The following OPRM1 variants were observed in gnomAD, a reference collection of about 807,000 sequenced individuals.
The protein encoded by OPRM1 is opioid receptor mu 1.
In OPRM1, 27 loss-of-function variants were observed where a neutral mutation model predicts 31.8. That is an observed-to-expected ratio of 0.85 (90% confidence interval 0.63 to 1.17). The LOEUF (loss-of-function observed/expected upper bound fraction) is 1.17. Among genes scored for constraint, OPRM1 ranks in the 50% most tolerant of loss-of-function variants. The pLI is 0.00. For synonymous variants in OPRM1, 196 were observed against 189.9 expected, an observed-to-expected ratio of 1.03 and a Z score of -0.26; for missense variants, 536 against 511.1, an observed-to-expected ratio of 1.05 and a Z score of -0.47.
chr6:154,163,330 C>T (rs1217488324), intron 3 of OPRM1, among the ~76,000 whole-genome samples: 5 of 152,180 alleles, frequency 3.3e-5, no homozygotes, highest in Non-Finnish European at 5.9e-5. Flanking sequence ...GTTCCTTTTG[C>T]CTGAAATATT....
intron 3 of OPRM1, among the ~76,000 whole-genome samples, chr6:154,161,084 A>C (rs762386013): frequency 6.6e-6 from 1 of 151,646 alleles, no homozygotes; most frequent in Non-Finnish European, 1.5e-5. Flanking sequence ...ACTAGCTCAC[A>C]CCTCCGTGTT....
chr6:154,160,167 T>C (rs1583670228), intron 3 of OPRM1: 2 of 725,294 alleles, frequency 2.8e-6, no homozygotes, highest in African/African-American at 1.8e-5. Context: ...TGCACGTTAA[T>C]GTTCTAATTC....
chr6:154,204,671 C>A (rs539058450), intron 3 of OPRM1, among the ~76,000 whole-genome samples: 1 of 152,288 alleles, frequency 6.6e-6, no homozygotes, highest in South Asian at 2.1e-4. Flanking sequence ...TTGAAGAAGT[C>A]ATTTTACCTG....
intron 3 of OPRM1, among the ~76,000 whole-genome samples, chr6:154,198,627 T>TAC: frequency 1.4e-5 from 1 of 73,886 alleles, no homozygotes; most frequent in African/African-American, 5.0e-5. Context: ...TTTAAAATAT[T>TAC]ACATACACAC....
chr6:154,223,496 T>C (rs1291408749), intron 3 of OPRM1, among the ~76,000 whole-genome samples: 1 of 152,118 alleles, frequency 6.6e-6, no homozygotes, highest in African/African-American at 2.4e-5. Flanking sequence ...ATGGTCACCA[T>C]ATGGCAGGCT....
intron 3 of OPRM1, among the ~76,000 whole-genome samples, chr6:154,229,634 G>A (rs1779567791): frequency 6.6e-6 from 1 of 152,096 alleles, no homozygotes; most frequent in East Asian, 1.9e-4. Context: ...GGGATTACAG[G>A]CGTGAGCCAC....
intron 3 of OPRM1, among the ~76,000 whole-genome samples, chr6:154,217,935 G>A (rs1375186771): frequency 6.6e-6 from 1 of 152,170 alleles, no homozygotes; most frequent in African/African-American, 2.4e-5. Context: ...TGACAATAAA[G>A]AAAATATTTC....
At chr6:154,036,657 C>T (rs187020336), upstream of OPRM1, among the ~76,000 whole-genome samples, 77 of 151,868 alleles carry the variant, frequency 5.1e-4, no homozygotes, top group African/African-American at 1.8e-3. Flanking sequence ...AAGGACAAAA[C>T]GTCTTCATTA....
intron 3 of OPRM1, among the ~76,000 whole-genome samples, chr6:154,169,767 A>G (rs1243969051): frequency 6.6e-6 from 1 of 152,230 alleles, no homozygotes; most frequent in Non-Finnish European, 1.5e-5. Context: ...GACGAGGCCA[A>G]TGGCAGTTCC....
chr6:154,106,754 A>G (rs902708509), intron 3 of OPRM1, among the ~76,000 whole-genome samples: 7 of 152,170 alleles, frequency 4.6e-5, no homozygotes, highest in Admixed American at 1.3e-4. Flanking sequence ...GGCATGGTAA[A>G]TTCCACATAT....
At chr6:154,203,216 C>A (rs1777213852) in intron 3 of OPRM1, among the ~76,000 whole-genome samples, 1 of 152,180 alleles carries the variant, frequency 6.6e-6, no homozygotes, top group South Asian at 2.1e-4. Flanking sequence ...AGTCTCTCCT[C>A]TCCGCCCCAC....
In OPRM1 at chr6:154,120,450, A is replaced by G. The variant is rs1252726696; in HGVS notation, c.*1729A>G. On this transcript the variant is annotated 3_prime_UTR_variant, in exon 4 of 4. Transcript: ENST00000330432. ...TTCATGTTTGCTTGTAATAATCTCC[A>G]TTTCTCAAATATTATGTTCCATAAT... 1.3e-5 allele frequency among the ~76,000 whole-genome samples: 2 copies of G among 152,104 alleles called. No homozygotes were observed. The highest frequency in any genetic ancestry group is 2.9e-5 in the Non-Finnish European group (2 of 68,002).
intron 3 of OPRM1, among the ~76,000 whole-genome samples, chr6:154,181,736 C>G (rs571179932): frequency 6.6e-6 from 1 of 152,066 alleles, no homozygotes; most frequent in Admixed American, 6.6e-5. Context: ...CCGCAGGGCA[C>G]GAGACCTGAG....
At chr6:154,160,092 T>G (rs1434983064) in intron 3 of OPRM1, 4 of 1,361,888 alleles carry the variant, frequency 2.9e-6, no homozygotes, top group Non-Finnish European at 4.1e-6. Context: ...TGTCTTAATT[T>G]ACATAAACCA....
At chr6:154,221,677 T>A (rs1364814255) in intron 3 of OPRM1, among the ~76,000 whole-genome samples, 1 of 151,924 alleles carries the variant, frequency 6.6e-6, no homozygotes, top group Non-Finnish European at 1.5e-5. Flanking sequence ...ATCGAGACCA[T>A]CCTGGCTAAC....
At chr6:154,066,610 G>A (rs879943095) in intron 1 of OPRM1, among the ~76,000 whole-genome samples, 2 of 151,960 alleles carry the variant, frequency 1.3e-5, no homozygotes, top group African/African-American at 4.8e-5. Context: ...AGTTAAATGA[G>A]ATCACAATGA....
intron 1 of OPRM1, among the ~76,000 whole-genome samples, chr6:154,022,961 G>A (rs1778466119): frequency 1.3e-5 from 2 of 152,084 alleles, no homozygotes; most frequent in Non-Finnish European, 2.9e-5. Context: ...TAGCTCTGTA[G>A]TACAATTTGA....
At chr6:154,236,192 T>C (rs1379738143) in intron 3 of OPRM1, among the ~76,000 whole-genome samples, 1 of 152,136 alleles carries the variant, frequency 6.6e-6, no homozygotes, top group African/African-American at 2.4e-5. Flanking sequence ...GGTACACACA[T>C]CAAGGGGATA....
intron 1 of OPRM1, chr6:154,087,111 A>T (rs2128478186): frequency 1.0e-6 from 1 of 985,426 alleles, no homozygotes; most frequent in Non-Finnish European, 1.2e-6. Flanking sequence ...TAAGAAAGTG[A>T]AACTCCCAAA....
Sources: gnomAD v4.1 joint callset for allele counts (sites outside exome capture counted in the v4.1 genomes callset) on GRCh38, gnomAD v4.1.1 for gene constraint, MANE v1.5 for transcripts, NCBI Gene and HGNC (gene_info 2026-07-23, HGNC 2026-07-21) for gene names.